UBXN2B: variants seen among roughly 807,000 people sequenced by gnomAD.
The protein encoded by UBXN2B is UBX domain protein 2B, also known as UBX domain-containing protein 2B.
In UBXN2B, 19 loss-of-function variants were observed where a neutral mutation model predicts 37.5. The ratio of observed to expected loss-of-function variants is 0.51; its 90% CI spans 0.35 to 0.74. The LOEUF is 0.74. UBXN2B is among the 30% of genes least tolerant of loss of function. UBXN2B has a pLI of 0.01. For synonymous variants in UBXN2B, 145 were observed against 143.8 expected, an observed-to-expected ratio of 1.01 and a Z score of -0.06; for missense variants, 370 against 393.2, an observed-to-expected ratio of 0.94 and a Z score of 0.50.
At chr8:58,424,689 G>T (rs913534393) in intron 2 of UBXN2B, 42 of 1,275,820 alleles carry the variant, frequency 3.3e-5, no homozygotes, top group African/African-American at 9.4e-5. Context: ...GTACAAGGCG[G>T]GGGGGGGGGC....
chr8:58,430,345 C>G (rs1163137616), intron 2 of UBXN2B, among the ~76,000 whole-genome samples, 174 bp from the exon 3 acceptor site: 2 of 152,092 alleles, frequency 1.3e-5, no homozygotes, highest in Non-Finnish European at 2.9e-5. Flanking sequence ...TATATGATTT[C>G]CTATTTATTA....
chr8:58,411,607 G>C (rs1315624670), intron 1 of UBXN2B, 138 bp downstream of exon 1: 8 of 654,180 alleles, frequency 1.2e-5, no homozygotes, highest in African/African-American at 1.9e-5. Context: ...TCCGGCGCCC[G>C]GTCTCCCGAT....
chr8:58,425,195 C>T (rs1808048001), intron 2 of UBXN2B: 3 of 927,914 alleles, frequency 3.2e-6, no homozygotes, highest in South Asian at 1.3e-5. Context: ...TAGTTGTGAG[C>T]GGTGCTTTCT....
At position 58,432,905 on chromosome 8, in the gene UBXN2B, C is replaced by T. The variant is rs1808319089; in HGVS notation, c.340-255C>T. 2.0e-5 allele frequency among the ~76,000 whole-genome samples: 3 copies of T among 152,114 alleles called. No individual in the cohort carries two copies. In the South Asian group the frequency reaches 6.2e-4, roughly 32 times the overall value. On this transcript the variant is annotated intron_variant, in intron 3 of 7. Transcript: ENST00000399598. ...GAAACGTGTCTTTTTAAAAAAGCCT[C>T]TATGATAATTTTGACATCCATTGTT...
intron 5 of UBXN2B, chr8:58,435,205 T>G: frequency 7.6e-6 from 9 of 1,180,638 alleles, no homozygotes; most frequent in Non-Finnish European, 9.8e-6. Context: ...AGAGTTTTAC[T>G]GTATATAACC....
intron 2 of UBXN2B, among the ~76,000 whole-genome samples, chr8:58,429,312 A>G (rs1808187911): frequency 6.6e-6 from 1 of 152,154 alleles, no homozygotes; most frequent in African/African-American, 2.4e-5. Context: ...GTCGCTCCCT[A>G]AAATAATCTG....
At position 58,423,306 on chromosome 8, in the gene UBXN2B, G is replaced by A. The variant is rs537960125; in HGVS notation, c.188+6353G>A. Reference sequence around the variant, plus strand: ...AGACTCAGGACTGCAGGCAGAAAGAGAAGCCCAGACATCCCAGTCTCTCCG... The same window carrying A: ...AGACTCAGGACTGCAGGCAGAAAGAAAAGCCCAGACATCCCAGTCTCTCCG... On this transcript the variant is annotated intron_variant, in intron 2 of 7. Transcript: ENST00000399598. Among the ~76,000 whole-genome samples, 29 of 152,264 alleles carry A rather than the reference G, an allele frequency of 1.9e-4. No individual in the cohort carries two copies. In the South Asian group the frequency reaches 5.6e-3, roughly 29 times the overall value.
chr8:58,451,035 C>CA lies in UBXN2B; in HGVS notation c.*3488dup, dbSNP rs1371730583. 1 of 152,550 alleles carries CA rather than the reference C, an allele frequency of 6.6e-6. No homozygotes were observed. The highest frequency in any genetic ancestry group is 1.9e-4 in the East Asian group (1 of 5,202). The allele number at this position is 152,550 out of a possible 1,614,324, so 9.4% of individuals were successfully genotyped here. On this transcript the variant is annotated 3_prime_UTR_variant, in exon 8 of 8. Coordinates refer to ENST00000399598, the MANE Select transcript of UBXN2B (RefSeq NM_001077619.2). ...GGGGTAAAACAACTTTTTCATGGGT[C>CA]AAAATCATCTTCCGAAGAAAATGAT...
intron 2 of UBXN2B, 51 bp from the exon 3 acceptor site, chr8:58,430,468 A>G: frequency 7.7e-7 from 1 of 1,306,662 alleles, no homozygotes; most frequent in East Asian, 2.7e-5. Flanking sequence ...TTTTTACTTC[A>G]GTTTATGTCT....
intron 7 of UBXN2B, among the ~76,000 whole-genome samples, chr8:58,446,467 T>G (rs1808671255): frequency 6.6e-6 from 1 of 152,190 alleles, no homozygotes; most frequent in African/African-American, 2.4e-5. Context: ...AGCAAATACT[T>G]CATAATATAA....
chr8:58,449,564 C>G lies in UBXN2B; in HGVS notation c.*2013C>G, dbSNP rs561045952. Reference sequence around the variant, plus strand: ...GAACCTAGAAAACAAGTTATCTGTTCCCAAGTATGATGGCATGACAGGCAG... The same window carrying G: ...GAACCTAGAAAACAAGTTATCTGTTGCCAAGTATGATGGCATGACAGGCAG... On this transcript the variant is annotated 3_prime_UTR_variant, in exon 8 of 8. Transcript: ENST00000399598. 6.6e-6 allele frequency: 1 copy of G among 152,252 alleles called. No homozygotes were observed. Among genetic ancestry groups the G allele is most frequent in the South Asian group, 2.1e-4 (1 of 4,824 alleles). 9.4% of individuals were successfully genotyped at this position (152,252 alleles called of 1,614,324 possible).
intron 2 of UBXN2B, chr8:58,425,699 A>G (rs923504644): frequency 1.7e-6 from 2 of 1,164,042 alleles, no homozygotes; most frequent in African/African-American, 1.5e-5. Flanking sequence ...TATTTCAGCA[A>G]CATTTATACG....
Position 58,434,432 on chromosome 8 carries a change from G to C in UBXN2B, c.461G>C (p.Ser154Thr). The C allele has an allele frequency of 2.6e-6, 4 of 1,535,324 alleles. No individual in the cohort carries two copies. Among genetic ancestry groups the C allele is most frequent in the Non-Finnish European group, 3.5e-6 (4 of 1,141,940 alleles). The change falls in exon 5 of 8, where the codon AGT becomes ACT. Residue 154 changes from serine (S) to threonine (T), a missense_variant. By Grantham distance (58) the Ser-to-Thr change is moderately conservative (BLOSUM62 1). Transcript: ENST00000399598. ...CTTAAACTGTGGAGCAATGGTTTCA[G>C]TTTAGATGATGGAGAATTGAGACCT... Reference protein sequence around the residue: ...ILLKLWSNGFSLDDGELRPYN... With the variant: ...ILLKLWSNGFTLDDGELRPYN...
intron 5 of UBXN2B, among the ~76,000 whole-genome samples, chr8:58,435,486 G>A (rs58772222): frequency 0.016 from 2,499 of 152,256 alleles, 63 homozygotes; most frequent in African/African-American, 0.056. Context: ...GGCAAATACA[G>A]GATATAATGG....
At chr8:58,444,887 G>A (rs1808634174) in intron 6 of UBXN2B, among the ~76,000 whole-genome samples, 1 of 152,176 alleles carries the variant, frequency 6.6e-6, no homozygotes, top group African/African-American at 2.4e-5. Flanking sequence ...TGTGTACTCT[G>A]AGAGAGAAGC....
At chr8:58,447,180 AAAGT>A (rs940827758) in intron 7 of UBXN2B, among the ~76,000 whole-genome samples, 2 of 152,200 alleles carry the variant, frequency 1.3e-5, no homozygotes, top group African/African-American at 4.8e-5. Context: ...TTTTACAGGA[AAAGT>A]AAATGTTAAG....
chr8:58,415,971 A>G (rs968422314), intron 1 of UBXN2B, among the ~76,000 whole-genome samples: 1 of 151,702 alleles, frequency 6.6e-6, no homozygotes, highest in Non-Finnish European at 1.5e-5. Flanking sequence ...GGTAGTTTTC[A>G]TATCATTTGT....
intron 2 of UBXN2B, among the ~76,000 whole-genome samples, chr8:58,418,218 A>G (rs1196359533): frequency 6.8e-6 from 1 of 147,268 alleles, no homozygotes; most frequent in Non-Finnish European, 1.5e-5. Flanking sequence ...TCCAGCCTGA[A>G]TGATGGAGAA....
At chr8:58,433,358 A>G (rs574182977) in intron 4 of UBXN2B, 115 bp downstream of exon 4, 7 of 808,060 alleles carry the variant, frequency 8.7e-6, no homozygotes, top group Non-Finnish European at 1.3e-5. Flanking sequence ...TTTTTAAAAC[A>G]TGGGTTAAAA....
Sources: gnomAD v4.1 joint callset for allele counts (sites outside exome capture counted in the v4.1 genomes callset) on GRCh38, gnomAD v4.1.1 for gene constraint, MANE v1.5 for transcripts, NCBI Gene and HGNC (gene_info 2026-07-23, HGNC 2026-07-21) for gene names.